The following SH3GL1 variants were observed in gnomAD, a reference collection of about 807,000 sequenced individuals.
SH3GL1 encodes endophilin-A2.
In SH3GL1, 21 loss-of-function variants were observed where a neutral mutation model predicts 48.8. The observed-to-expected ratio is 0.43, with a 90% CI of 0.30 to 0.62. The LOEUF is 0.62. SH3GL1 is among the 20% of genes least tolerant of loss of function. SH3GL1 has a pLI of 0.11. For missense variants in SH3GL1, 454 were observed against 503.0 expected (o/e 0.90, Z 0.93); for synonymous variants, 282 against 217.5 (o/e 1.30, Z -2.61).
chr19:4,364,176 T>C lies in SH3GL1; in HGVS notation c.377A>G (p.Glu126Gly). The C allele has an allele frequency of 6.2e-7, 1 of 1,613,970 alleles. No homozygotes were observed. Among genetic ancestry groups the C allele is most frequent in the Non-Finnish European group, 8.5e-7 (1 of 1,180,030 alleles). Residue 126 changes from glutamate to glycine, a missense_variant, in exon 5 of 10, where the codon GAG (glutamate) becomes GGG (glycine). Coordinates refer to ENST00000269886, the MANE Select transcript of SH3GL1 (RefSeq NM_003025.4). The part of the protein sequence containing the change: ...DAGESMKRLA[E>G]VKDSLDIEVK... ...CTCGATGTCCAGGGAGTCCTTCACC[T>C]CTGCCAGGCGCTTCATGGACTCGCC...
At position 4,362,648 on chromosome 19, in the gene SH3GL1, C is replaced by A; in HGVS notation, c.817G>T (p.Gly273Trp). The A allele has an allele frequency of 6.2e-7, 1 of 1,613,916 alleles. No individual in the cohort carries two copies. Among genetic ancestry groups the A allele is most frequent in the Non-Finnish European group, 8.5e-7 (1 of 1,179,994 alleles). Reference sequence around the variant, plus strand: ...GGGGCTGTGGTGCAGGGGAAGCCCCCGTTGGACTGCTCAGGCTCTCCAAGG... The same window carrying A: ...GGGGCTGTGGTGCAGGGGAAGCCCCAGTTGGACTGCTCAGGCTCTCCAAGG... Reference protein sequence around the residue: ...FDLGEPEQSNGGFPCTTAPKI... With the variant: ...FDLGEPEQSNWGFPCTTAPKI... The change falls in exon 8 of 10, where the codon GGG (glycine) becomes TGG (tryptophan). Residue 273 changes from glycine to tryptophan, a missense_variant. Gly to Trp is a radical substitution (Grantham distance 184). Transcript: ENST00000269886.
intron 1 of SH3GL1, among the ~76,000 whole-genome samples, chr19:4,369,386 C>A (rs1972850508): frequency 6.6e-6 from 1 of 152,230 alleles, no homozygotes; most frequent in African/African-American, 2.4e-5. Context: ...GGGAGGAGAA[C>A]TGAAGCCAGC....
chr19:4,365,423 C>A, intron 4 of SH3GL1, 59 bp downstream of exon 4: 1 of 1,605,624 alleles, frequency 6.2e-7, no homozygotes, highest in Non-Finnish European at 8.5e-7. Flanking sequence ...CCTGCCCTGC[C>A]TGTGTTGAGG....
At chr19:4,368,165 C>G (rs1198139836) in intron 1 of SH3GL1, among the ~76,000 whole-genome samples, 1 of 152,236 alleles carries the variant, frequency 6.6e-6, no homozygotes, top group Admixed American at 6.5e-5. Context: ...GGCCTGTGCC[C>G]CTGGTGCTCC....
chr19:4,388,656 T>C (rs949779075), intron 1 of SH3GL1, among the ~76,000 whole-genome samples: 1 of 152,142 alleles, frequency 6.6e-6, no homozygotes, highest in Non-Finnish European at 1.5e-5. Flanking sequence ...GGGAGTGGTT[T>C]AGTTTGGGGA....
intron 1 of SH3GL1, among the ~76,000 whole-genome samples, chr19:4,382,262 T>C (rs2144902975): frequency 7.0e-6 from 1 of 143,002 alleles, no homozygotes; most frequent in South Asian, 2.3e-4. Context: ...TCTTTTTTTT[T>C]TTTTTTTTTT....
intron 1 of SH3GL1, among the ~76,000 whole-genome samples, chr19:4,370,578 G>A (rs547321673): frequency 3.9e-5 from 6 of 152,292 alleles, no homozygotes; most frequent in East Asian, 1.9e-4. Context: ...TGCAAACCCC[G>A]AGTGACCAAC....
Position 4,381,327 on chromosome 19 carries a change from G to A in SH3GL1, c.46-14333C>T, listed in dbSNP as rs555826112. ...CTCTCTCTGTCCCCCTATGTCTCCCGTCTCTCTGTCCCCTCTGCCTCTCTC... is the reference window on the plus strand; with the variant it reads ...CTCTCTCTGTCCCCCTATGTCTCCCATCTCTCTGTCCCCTCTGCCTCTCTC... On this transcript the variant is annotated intron_variant, in intron 1 of 9. Transcript: ENST00000269886. Among the ~76,000 whole-genome samples the A allele has an allele frequency of 7.6e-5, 5 of 65,992 alleles. No individual in the cohort carries two copies. In the South Asian group the frequency reaches 1.9e-3, roughly 26 times the overall value. 43.3% of individuals were successfully genotyped at this position (65,992 alleles called of 152,430 possible).
At chr19:4,374,370 G>A (rs1972963683) in intron 1 of SH3GL1, among the ~76,000 whole-genome samples, 1 of 152,198 alleles carries the variant, frequency 6.6e-6, no homozygotes, top group African/African-American at 2.4e-5. Context: ...GGTCTATGAT[G>A]GTCTGGTGGC....
chr19:4,387,112 A>G (rs1463526627), intron 1 of SH3GL1, among the ~76,000 whole-genome samples: 3 of 151,710 alleles, frequency 2.0e-5, no homozygotes, highest in Non-Finnish European at 4.4e-5. Flanking sequence ...AATTCTTTGT[A>G]TTTTTAGCAG....
intron 1 of SH3GL1, among the ~76,000 whole-genome samples, chr19:4,386,409 G>T (rs1422895927): frequency 6.6e-6 from 1 of 151,966 alleles, no homozygotes; most frequent in African/African-American, 2.4e-5. Flanking sequence ...CTTCCAGCAC[G>T]CAGGGCTGGA....
chr19:4,383,826 C>T (rs1319031147), intron 1 of SH3GL1, among the ~76,000 whole-genome samples: 2 of 152,040 alleles, frequency 1.3e-5, no homozygotes, highest in Non-Finnish European at 2.9e-5. Context: ...GCGTGATCCA[C>T]GCCGGAACAC....
chr19:4,386,769 C>T (rs1015489768), intron 1 of SH3GL1, among the ~76,000 whole-genome samples: 1 of 152,074 alleles, frequency 6.6e-6, no homozygotes. Context: ...TGTGCAGGAT[C>T]CCCCGATCCT....
Position 4,389,773 on chromosome 19 carries a change from A to G in SH3GL1, c.45+10551T>C, listed in dbSNP as rs1207061355. 1.3e-5 allele frequency among the ~76,000 whole-genome samples: 2 copies of G among 152,300 alleles called. No homozygotes were observed. The highest frequency in any genetic ancestry group is 1.5e-5 in the Non-Finnish European group (1 of 68,018). ...ACCAAACACTGGGGATGCAGCAATG[A>G]GCACAAATGCCTGGCTCCGGCGGCA... On this transcript the variant is annotated intron_variant, in intron 1 of 9. Transcript: ENST00000269886. The surrounding 1 kb of genome is among the most constrained non-coding windows in gnomAD (Gnocchi z 4.5).
In SH3GL1 at chr19:4,363,597, C is replaced by A. The variant is rs1972686666; in HGVS notation, c.624+123G>T. The A allele has an allele frequency of 2.7e-6, 4 of 1,472,284 alleles. No individual in the cohort carries two copies. The East Asian group carries it at 9.1e-5, about 33-fold the overall frequency. The allele number at this position is 1,472,284 out of a possible 1,614,324, so 91.2% of individuals were successfully genotyped here. On this transcript the variant is annotated intron_variant, in intron 6 of 9. Coordinates refer to ENST00000269886, the MANE Select transcript of SH3GL1 (RefSeq NM_003025.4). ...GGGGACAGGGGACTGGGGCCCATAC[C>A]CTCCACCTCCCCTGCTGCAGCGGCC...
At chr19:4,383,671 G>A (rs980569028) in intron 1 of SH3GL1, among the ~76,000 whole-genome samples, 1 of 152,190 alleles carries the variant, frequency 6.6e-6, no homozygotes, top group Non-Finnish European at 1.5e-5. Flanking sequence ...TCCTGGCACT[G>A]AGGAACACGA....
chr19:4,374,289 CAG>C (rs1304693650), intron 1 of SH3GL1, among the ~76,000 whole-genome samples: 1 of 152,216 alleles, frequency 6.6e-6, no homozygotes, highest in African/African-American at 2.4e-5. Flanking sequence ...GTGGCCACAA[CAG>C]AGTGGCAGCC....
At chr19:4,383,709 C>G (rs905569247) in intron 1 of SH3GL1, among the ~76,000 whole-genome samples, 4 of 152,226 alleles carry the variant, frequency 2.6e-5, no homozygotes, top group African/African-American at 9.6e-5. Context: ...ATGCTGGGAC[C>G]ATTCTCAACA....
At chr19:4,386,975 C>T (rs1369474454) in intron 1 of SH3GL1, among the ~76,000 whole-genome samples, 7 of 151,968 alleles carry the variant, frequency 4.6e-5, no homozygotes, top group African/African-American at 9.7e-5. Context: ...CTTGCTCTGT[C>T]GCCCAGGCTG....
Sources: allele counts gnomAD v4.1 joint callset (sites outside exome capture counted in the v4.1 genomes callset), GRCh38; gene constraint gnomAD v4.1.1; non-coding constraint Gnocchi (gnomAD v3.1); transcripts MANE v1.5; gene names NCBI Gene and HGNC (gene_info 2026-07-23, HGNC 2026-07-21).